The following RBFOX1 variants were observed in gnomAD, a reference collection of about 807,000 sequenced individuals.
The protein encoded by RBFOX1 is RNA binding fox-1 homolog 1, also known as RNA binding protein fox-1 homolog 1.
RBFOX1 carries 8 observed loss-of-function variants against 57.7 expected under a neutral mutation model. That is an observed-to-expected ratio of 0.14 (90% CI 0.08 to 0.25). RBFOX1 has a LOEUF of 0.25. Among genes scored for constraint, RBFOX1 ranks in the 10% least tolerant of loss-of-function variants. The probability of loss-of-function intolerance (pLI) is 1.00; values close to 1 mark genes in which losing one functional copy is unlikely to be tolerated. For synonymous variants in RBFOX1, 326 were observed against 222.4 expected (o/e 1.47, Z -4.15); for missense variants, 611 against 548.5 (o/e 1.11, Z -1.14).
chr16:5,549,234 G>T (rs959406341), intron 2 of RBFOX1, among the ~76,000 whole-genome samples: 1 of 152,156 alleles, frequency 6.6e-6, no homozygotes, highest in Non-Finnish European at 1.5e-5. Flanking sequence ...TCAGCATCTG[G>T]GAGAGCCTGG....
At chr16:5,592,748 T>C (rs1032053712) in intron 2 of RBFOX1, among the ~76,000 whole-genome samples, 4 of 152,228 alleles carry the variant, frequency 2.6e-5, no homozygotes, top group Non-Finnish European at 2.9e-5. Flanking sequence ...GTGTGGTCTG[T>C]GTTCATCCAA....
intron 2 of RBFOX1, among the ~76,000 whole-genome samples, chr16:6,443,696 C>G (rs889519959): frequency 7.2e-5 from 11 of 152,180 alleles, no homozygotes; most frequent in African/African-American, 2.7e-4. Flanking sequence ...GAAAAATGCT[C>G]TTTCATTTAC....
At chr16:5,713,911 C>G (rs932897253) in intron 3 of RBFOX1, among the ~76,000 whole-genome samples, 5 of 152,226 alleles carry the variant, frequency 3.3e-5, no homozygotes, top group African/African-American at 4.8e-5. Flanking sequence ...ACGTTGCAAT[C>G]TTCCAGTGAC....
At chr16:7,176,116 AT>A (rs573650751) in intron 4 of RBFOX1, among the ~76,000 whole-genome samples, 173 of 151,434 alleles carry the variant, frequency 1.1e-3, no homozygotes, top group African/African-American at 3.8e-3. Flanking sequence ...TTTTAATCAA[AT>A]TTTTTTTATT....
intron 4 of RBFOX1, among the ~76,000 whole-genome samples, chr16:7,147,485 A>G (rs12922129): frequency 0.89 from 134,480 of 151,858 alleles, 59,635 homozygotes; most frequent in East Asian, 1. Context: ...CCTGCATCTC[A>G]TAGTCTCCAG....
chr16:7,257,251 G>C (rs17143076), intron 4 of RBFOX1, among the ~76,000 whole-genome samples: 4 of 151,984 alleles, frequency 2.6e-5, no homozygotes, highest in Admixed American at 6.5e-5. Context: ...CTGAGAGTGC[G>C]ATCCCTGACT....
At chr16:7,348,625 C>G (rs2097065096) in intron 4 of RBFOX1, among the ~76,000 whole-genome samples, 1 of 152,136 alleles carries the variant, frequency 6.6e-6, no homozygotes. Context: ...GAGAAAGTAG[C>G]AAAACAATCC....
At chr16:5,600,388 A>G (rs902480548), downstream of RBFOX1, among the ~76,000 whole-genome samples, 2 of 148,278 alleles carry the variant, frequency 1.3e-5, no homozygotes, top group Admixed American at 6.8e-5. Flanking sequence ...CGGGAGGCTG[A>G]GGTGGGAGGA....
chr16:7,103,018 C>A (rs574039545), intron 4 of RBFOX1, among the ~76,000 whole-genome samples: 4 of 151,376 alleles, frequency 2.6e-5, no homozygotes, highest in African/African-American at 9.8e-5. Context: ...GACACACACA[C>A]GTCTATTTGT....
intron 2 of RBFOX1, among the ~76,000 whole-genome samples, chr16:6,382,652 G>C (rs1352619693): frequency 6.6e-6 from 1 of 152,150 alleles, no homozygotes; most frequent in African/African-American, 2.4e-5. Flanking sequence ...CTGAGGTTAG[G>C]AGTTCTAGAG....
At chr16:6,661,694 CA>C (rs1329975637) in intron 3 of RBFOX1, among the ~76,000 whole-genome samples, 17 of 152,204 alleles carry the variant, frequency 1.1e-4, no homozygotes, top group Non-Finnish European at 2.4e-4. Context: ...TTGATTCGAG[CA>C]AGACGAAGTC....
chr16:6,026,991 A>G (rs2095209254), intron 1 of RBFOX1, among the ~76,000 whole-genome samples: 2 of 152,240 alleles, frequency 1.3e-5, no homozygotes, highest in African/African-American at 4.8e-5. Flanking sequence ...TTCTGAGAAC[A>G]AAATTAGATC....
At chr16:7,156,231 T>C (rs527783050) in intron 4 of RBFOX1, among the ~76,000 whole-genome samples, 5 of 151,182 alleles carry the variant, frequency 3.3e-5, no homozygotes, top group South Asian at 2.1e-4. Context: ...TATATATATA[T>C]ACACACACAT....
chr16:7,136,601 G>C (rs143401768), intron 4 of RBFOX1, among the ~76,000 whole-genome samples: 344 of 152,090 alleles, frequency 2.3e-3, no homozygotes, highest in African/African-American at 7.4e-3. Flanking sequence ...TTGTTGTGTA[G>C]AGGCTGGGTC....
At chr16:7,062,023 A>G (rs1394870882) in intron 4 of RBFOX1, among the ~76,000 whole-genome samples, 1 of 152,152 alleles carries the variant, frequency 6.6e-6, no homozygotes, top group Non-Finnish European at 1.5e-5. Flanking sequence ...GGTCCCAGGA[A>G]AAATGGCAAC....
intron 9 of RBFOX1, among the ~76,000 whole-genome samples, chr16:7,606,429 T>C (rs1307936825): frequency 6.6e-6 from 1 of 152,154 alleles, no homozygotes; most frequent in Non-Finnish European, 1.5e-5. Flanking sequence ...CCCGCACGGA[T>C]GCTTTTATGA....
At chr16:6,511,588 A>C (rs1321570661) in intron 2 of RBFOX1, among the ~76,000 whole-genome samples, 1 of 152,222 alleles carries the variant, frequency 6.6e-6, no homozygotes, top group Non-Finnish European at 1.5e-5. Context: ...CATTGTGAAT[A>C]GTCCTCATAC....
chr16:7,381,851 T>C (rs1402343845), intron 4 of RBFOX1, among the ~76,000 whole-genome samples: 1 of 152,166 alleles, frequency 6.6e-6, no homozygotes, highest in Non-Finnish European at 1.5e-5. Context: ...CTGAGTGCTT[T>C]GTTGGGCATT....
chr16:7,299,535 T>A (rs2141944471), intron 4 of RBFOX1, among the ~76,000 whole-genome samples: 1 of 152,312 alleles, frequency 6.6e-6, no homozygotes, highest in South Asian at 2.1e-4. Flanking sequence ...TTGGAATTGG[T>A]TCTGCCTGGG....
Sources: gnomAD v4.1 joint callset for allele counts (sites outside exome capture counted in the v4.1 genomes callset) on GRCh38, gnomAD v4.1.1 for gene constraint, MANE v1.5 for transcripts, NCBI Gene and HGNC (gene_info 2026-07-23, HGNC 2026-07-21) for gene names.